The following PSG8 variants were observed in gnomAD, a reference collection of about 807,000 sequenced individuals.
PSG8 encodes pregnancy specific beta-1-glycoprotein 8.
PSG8 carries 57 observed loss-of-function variants against 42.5 expected under a neutral mutation model. The ratio of observed to expected loss-of-function variants is 1.34; its 90% confidence interval spans 1.08 to 1.67. The LOEUF (loss-of-function observed/expected upper bound fraction) is 1.67, where lower values mean the gene tolerates loss of function less well. Among genes scored for constraint, PSG8 ranks in the 40% most tolerant of loss-of-function variants. PSG8 has a pLI of 0.00. For missense variants in PSG8, 783 were observed against 518.6 expected, an observed-to-expected ratio of 1.51 and a Z score of -4.95; for synonymous variants, 280 against 196.8, an observed-to-expected ratio of 1.42 and a Z score of -3.54.
intron 2 of PSG8, chr19:42,763,663 C>T (rs1259825245): frequency 5.9e-6 from 4 of 682,524 alleles, no homozygotes; most frequent in African/African-American, 1.8e-5. Flanking sequence ...AGACTGATCT[C>T]CTCCTGCTGA....
At chr19:42,763,827 A>G in intron 2 of PSG8, 89 bp downstream of exon 2, 1 of 1,602,010 alleles carries the variant, frequency 6.2e-7, no homozygotes, top group Admixed American at 1.7e-5. Flanking sequence ...AGAGGGACAC[A>G]GGCAATGTCC....
chr19:42,762,075 G>C (rs1970090142), intron 2 of PSG8, among the ~76,000 whole-genome samples: 2 of 151,584 alleles, frequency 1.3e-5, no homozygotes, highest in Admixed American at 6.6e-5. Context: ...CCTATTTCCT[G>C]GGAGGTGGGC....
At chr19:42,755,745 G>A (rs992732658) in intron 3 of PSG8, 1 of 176,828 alleles carries the variant, frequency 5.7e-6, no homozygotes, top group Admixed American at 5.4e-5. Flanking sequence ...AAACCCTGAA[G>A]ATACTGAGCA....
chr19:42,764,453 G>GTGTA (rs953373926), intron 1 of PSG8, among the ~76,000 whole-genome samples, 172 bp from the exon 2 acceptor site: 1 of 151,950 alleles, frequency 6.6e-6, no homozygotes, highest in Non-Finnish European at 1.5e-5. Context: ...GTCTGTGTGT[G>GTGTA]TGTATGTGTG....
intron 2 of PSG8, 116 bp downstream of exon 2, chr19:42,763,800 C>T (rs906538567): frequency 1.3e-5 from 21 of 1,571,008 alleles, no homozygotes; most frequent in Non-Finnish European, 1.6e-5. Flanking sequence ...CAAACCCCAG[C>T]ATGGGACATA....
intron 3 of PSG8, among the ~76,000 whole-genome samples, chr19:42,756,361 G>T (rs1031294703): frequency 7.2e-5 from 11 of 152,286 alleles, no homozygotes; most frequent in African/African-American, 2.4e-4. Context: ...ATTTATGCAA[G>T]GTGGGGAGGT....
intron 2 of PSG8, among the ~76,000 whole-genome samples, chr19:42,761,116 T>C (rs561042307): frequency 2.0e-5 from 3 of 152,234 alleles, no homozygotes; most frequent in East Asian, 1.9e-4. Flanking sequence ...GGTGAGTCCG[T>C]GCAAAGATTA....
rs1970199057 is a variant in PSG8 at position 42,765,596 on chromosome 19, G to A, written c.-15C>T. ...AGGAGCCCCATGGTCTCTGCTGTCT[G>A]TGTGTTCTCCTCTGTGGAGATGAGC... On this transcript the variant is annotated 5_prime_UTR_variant, in exon 1 of 5. Transcript: ENST00000306511. 5 of 1,609,460 alleles carry A rather than the reference G, an allele frequency of 3.1e-6. No individual in the cohort carries two copies. The highest frequency in any genetic ancestry group is 2.7e-5 in the African/African-American group (2 of 74,646).
chr19:42,757,879 C>T, intron 3 of PSG8, 123 bp downstream of exon 3: 3 of 1,605,668 alleles, frequency 1.9e-6, no homozygotes, highest in Non-Finnish European at 2.6e-6. Flanking sequence ...AAGTCATGGC[C>T]AGGTTTGATG....
chr19:42,757,927 G>T (rs1969967824), intron 3 of PSG8, 75 bp downstream of exon 3: 2 of 1,613,684 alleles, frequency 1.2e-6, no homozygotes, highest in African/African-American at 1.3e-5. Flanking sequence ...ACCTGAGAGG[G>T]ACTGAGAGGC....
At chr19:42,754,194 G>C, downstream of PSG8, 1 of 1,537,654 alleles carries the variant, frequency 6.5e-7, no homozygotes, top group South Asian at 1.3e-5. Flanking sequence ...CAAATTTGGA[G>C]GGTTTAGGAG....
rs775849594 is a variant in PSG8, at chr19:42,758,287, A to C, written c.431-7T>G. On this transcript the variant is annotated splice_region_variant and splice_polypyrimidine_tract_variant and intron_variant, in intron 2 of 4. Coordinates refer to ENST00000306511, the MANE Select transcript of PSG8 (RefSeq NM_182707.3). ...GAGGGCTTGGGAGTCTCCACTGTGC[A>C]GAAAACAGAGAGAAGATTGCCCTGT... is the stretch of plus-strand genomic sequence containing the variant. 1 of 1,612,284 alleles carries C rather than the reference A, an allele frequency of 6.2e-7. No homozygotes were observed. Among genetic ancestry groups the C allele is most frequent in the Non-Finnish European group, 8.5e-7 (1 of 1,179,024 alleles).
Position 42,765,638 on chromosome 19 carries a change from T to C in PSG8, c.-57A>G. 6.3e-7 allele frequency: 1 copy of C among 1,593,658 alleles called. No homozygotes were observed. The stretch of plus-strand genomic sequence containing the variant: ...GAGATGAGCCTAGGATCCAGAAGCT[T>C]CCTGAGCACAGCTCTCAGCAGTGCT... On this transcript the variant is annotated 5_prime_UTR_variant, in exon 1 of 5. Transcript: ENST00000306511.
At chr19:42,760,370 T>A (rs1320645886) in intron 2 of PSG8, among the ~76,000 whole-genome samples, 1 of 152,200 alleles carries the variant, frequency 6.6e-6, no homozygotes, top group Non-Finnish European at 1.5e-5. Context: ...GCCTTTGTAG[T>A]TGTCCCACAG....
rs1970165082 is a variant in PSG8, at chr19:42,764,455, G to T, written c.65-174C>A. Among the ~76,000 whole-genome samples the T allele has an allele frequency of 2.0e-5, 3 of 152,054 alleles. No homozygotes were observed. In the Middle Eastern group the frequency reaches 0.01, roughly 524 times the overall value. On this transcript the variant is annotated intron_variant, in intron 1 of 4. Transcript: ENST00000306511. ...AAGCGGCATGTGTGTCTGTGTGTGT[G>T]TATGTGTGTGTGTCCTACTATCCTA...
chr19:42,753,666 A>T (rs2122229348), downstream of PSG8, among the ~76,000 whole-genome samples: 1 of 152,272 alleles, frequency 6.6e-6, no homozygotes, highest in East Asian at 1.9e-4. Context: ...ACTTTTACAA[A>T]ACTCTTGAGA....
intron 2 of PSG8, among the ~76,000 whole-genome samples, chr19:42,762,795 A>G (rs1970111170): frequency 6.6e-6 from 1 of 152,022 alleles, no homozygotes; most frequent in African/African-American, 2.4e-5. Flanking sequence ...TCAGTTGACC[A>G]TTTTCTCTCA....
At chr19:42,757,777 AGCTGTG>A (rs1969964429) in intron 3 of PSG8, among the ~76,000 whole-genome samples, 1 of 152,098 alleles carries the variant, frequency 6.6e-6, no homozygotes, top group South Asian at 2.1e-4. Context: ...TCCCATCACA[AGCTGTG>A]GACGCTGAGT....
In PSG8 at chr19:42,758,105, G is replaced by A. The variant is rs760861543; in HGVS notation, c.606C>T (p.Leu202=). 2.5e-6 allele frequency: 4 copies of A among 1,614,056 alleles called. No individual in the cohort carries two copies. The highest frequency in any genetic ancestry group is 3.3e-5 in the Admixed American group (2 of 60,014). The change falls in exon 3 of 5, where the codon CTC becomes CTT. Residue 202 remains leucine, a synonymous_variant. Transcript: ENST00000306511. ...TGTACTTTGTGACACCCAATAGAAA[G>A]AGGGTCCTGTTGGTTTCAGACAACT... is the stretch of plus-strand genomic sequence containing the variant. The part of the protein sequence containing the change: ...RLQLSETNRT[L]FLLGVTKYTA...
Sources: allele counts gnomAD v4.1 joint callset (sites outside exome capture counted in the v4.1 genomes callset), GRCh38; gene constraint gnomAD v4.1.1; transcripts MANE v1.5; gene names NCBI Gene and HGNC (gene_info 2026-07-23, HGNC 2026-07-21).